Variants in TAMM41 observed in about 807,000 individuals in gnomAD.
The protein encoded by TAMM41 is phosphatidate cytidylyltransferase, mitochondrial.
A neutral mutation model predicts 44.1 loss-of-function variants in TAMM41; 36 were observed. That is an observed-to-expected ratio of 0.82 (90% CI 0.63 to 1.08). The LOEUF is 1.08. Ranked by LOEUF, TAMM41 falls within the 50% of genes least tolerant of loss-of-function variation. TAMM41 has a pLI of 0.00. For missense variants in TAMM41, 417 were observed against 404.3 expected (o/e 1.03, Z -0.27); for synonymous variants, 164 against 153.1 (o/e 1.07, Z -0.53).
At chr3:11,829,896 T>C in intron 3 of TAMM41, 32 bp from the exon 4 acceptor site, 1 of 1,608,986 alleles carries the variant, frequency 6.2e-7, no homozygotes, top group South Asian at 1.1e-5. Context: ...GAAGAAAAAT[T>C]CCAGAAGTGG....
chr3:11,828,589 G>A (rs2078856216), intron 4 of TAMM41, among the ~76,000 whole-genome samples: 1 of 152,144 alleles, frequency 6.6e-6, no homozygotes, highest in Non-Finnish European at 1.5e-5. Flanking sequence ...CTCACACAGT[G>A]TGCATGTGAC....
chr3:11,839,353 AC>A, intron 2 of TAMM41, 39 bp from the exon 3 acceptor site: 1 of 1,280,448 alleles, frequency 7.8e-7, no homozygotes, highest in Non-Finnish European at 1.1e-6. Flanking sequence ...GGAGTAAAAT[AC>A]CATGTTATTG....
chr3:11,727,266 G>A, the TAMM41 span, among the ~76,000 whole-genome samples: 4 of 152,070 alleles, frequency 2.6e-5, no homozygotes, highest in South Asian at 2.1e-4. Context: ...GTCCAATTCC[G>A]GAGTCCACCT....
the TAMM41 span, among the ~76,000 whole-genome samples, chr3:11,763,835 C>G: frequency 6.6e-6 from 1 of 152,180 alleles, no homozygotes; most frequent in Non-Finnish European, 1.5e-5. Context: ...ATTTCTAAGC[C>G]TTCTGTTGCC....
At chr3:11,785,972 G>A (rs1450168984), downstream of TAMM41, among the ~76,000 whole-genome samples, 2 of 152,180 alleles carry the variant, frequency 1.3e-5, no homozygotes, top group Non-Finnish European at 1.5e-5. Context: ...AGTGGCAAAG[G>A]CATAAGTTTT....
the TAMM41 span, among the ~76,000 whole-genome samples, chr3:11,747,188 G>A: frequency 1.3e-5 from 2 of 152,004 alleles, no homozygotes; most frequent in Non-Finnish European, 2.9e-5. Flanking sequence ...TCAGCCTCCC[G>A]AGTAGCTGGG....
the TAMM41 span, among the ~76,000 whole-genome samples, chr3:11,749,723 A>G: frequency 7.9e-4 from 121 of 152,204 alleles, 1 homozygote; most frequent in Admixed American, 1.4e-3. Flanking sequence ...GGGCTCATTC[A>G]CACCCACAGT....
the TAMM41 span, among the ~76,000 whole-genome samples, chr3:11,727,910 C>T: frequency 6.6e-6 from 1 of 151,824 alleles, no homozygotes. Context: ...CCTCAGCCTC[C>T]TGAGTAGCTG....
chr3:11,805,245 G>A (rs1438136734), intron 7 of TAMM41, among the ~76,000 whole-genome samples: 1 of 151,214 alleles, frequency 6.6e-6, no homozygotes, highest in East Asian at 1.9e-4. Context: ...CGGGCAATCT[G>A]CCTGTCTCGG....
chr3:11,808,204 T>C, intron 6 of TAMM41: 2 of 1,088,096 alleles, frequency 1.8e-6, no homozygotes, highest in East Asian at 4.0e-5. Flanking sequence ...ATGACTTAAA[T>C]CTGCTTGAGA....
intron 7 of TAMM41, among the ~76,000 whole-genome samples, chr3:11,803,305 A>C (rs563316372): frequency 6.6e-6 from 1 of 152,258 alleles, no homozygotes; most frequent in East Asian, 1.9e-4. Context: ...AATCGCTTGA[A>C]ACCAGGAGGT....
At chr3:11,730,007 G>A in the TAMM41 span, among the ~76,000 whole-genome samples, 1 of 152,212 alleles carries the variant, frequency 6.6e-6, no homozygotes, top group Non-Finnish European at 1.5e-5. Context: ...ATGCAAACCA[G>A]CTGGTCCTAC....
At chr3:11,779,793 C>T in the TAMM41 span, among the ~76,000 whole-genome samples, 1 of 152,176 alleles carries the variant, frequency 6.6e-6, no homozygotes, top group Non-Finnish European at 1.5e-5. Flanking sequence ...CTTCCACAGA[C>T]ATTCCAAACG....
At chr3:11,841,119 G>GCA (rs1335605145) in intron 2 of TAMM41, among the ~76,000 whole-genome samples, 1 of 102,056 alleles carries the variant, frequency 9.8e-6, no homozygotes, top group Non-Finnish European at 1.8e-5. Flanking sequence ...GTCTTACTCT[G>GCA]TTGCCCATGC....
the TAMM41 span, among the ~76,000 whole-genome samples, chr3:11,743,851 C>T: frequency 6.6e-6 from 1 of 152,068 alleles, no homozygotes; most frequent in South Asian, 2.1e-4. Context: ...ACTTACCTGC[C>T]TCCCTCATGG....
chr3:11,829,808 A>G lies in TAMM41; in HGVS notation c.468T>C (p.Asn156=), dbSNP rs1559311752. The change falls in exon 4 of 8, where the codon AAT becomes AAC. Residue 156 remains asparagine, a synonymous_variant. Coordinates refer to ENST00000455809, the MANE Select transcript of TAMM41 (RefSeq NM_001284401.2). ...DVTLRSALDR[N]LKSAVTAAFL... ...AAGCAGCGGTCACAGCACTCTTCAGATTTCTATCGAGGGCTGATCTAAGAG... is the reference window on the plus strand; with the variant it reads ...AAGCAGCGGTCACAGCACTCTTCAGGTTTCTATCGAGGGCTGATCTAAGAG... 1 of 1,614,172 alleles carries G rather than the reference A, an allele frequency of 6.2e-7. No individual in the cohort carries two copies. The highest frequency in any genetic ancestry group is 2.2e-5 in the East Asian group (1 of 44,886).
At chr3:11,750,176 G>C in the TAMM41 span, among the ~76,000 whole-genome samples, 1 of 152,096 alleles carries the variant, frequency 6.6e-6, no homozygotes, top group Non-Finnish European at 1.5e-5. Context: ...GATTACAGGC[G>C]TGAGCCACTG....
chr3:11,744,764 C>T, the TAMM41 span, among the ~76,000 whole-genome samples: 19 of 152,192 alleles, frequency 1.2e-4, no homozygotes, highest in Non-Finnish European at 1.9e-4. Flanking sequence ...TGGTGGCTCA[C>T]TCCTGTAATC....
the TAMM41 span, among the ~76,000 whole-genome samples, chr3:11,735,902 G>T: frequency 6.6e-6 from 1 of 152,080 alleles, no homozygotes; most frequent in Non-Finnish European, 1.5e-5. Flanking sequence ...AACCACGCAG[G>T]GCCCAGCGTG....
Sources: allele counts gnomAD v4.1 joint callset (sites outside exome capture counted in the v4.1 genomes callset), GRCh38; gene constraint gnomAD v4.1.1; transcripts MANE v1.5; gene names NCBI Gene and HGNC (gene_info 2026-07-23, HGNC 2026-07-21).